SULF1: variants seen among roughly 807,000 people sequenced by gnomAD.
The protein encoded by SULF1 is extracellular sulfatase Sulf-1.
Under a neutral mutation model 110.5 loss-of-function variants are expected in SULF1, and 46 were observed. That is an observed-to-expected ratio of 0.42 (90% confidence interval 0.33 to 0.53). The LOEUF is 0.53. Among genes scored for constraint, SULF1 ranks in the 20% least tolerant of loss-of-function variants. The pLI is 0.12. For missense variants in SULF1, 941 were observed against 1,094.2 expected (o/e 0.86, Z 1.98); for synonymous variants, 371 against 387.1 (o/e 0.96, Z 0.49).
chr8:69,582,983 G>C (rs1027740434), intron 6 of SULF1, among the ~76,000 whole-genome samples: 21 of 152,202 alleles, frequency 1.4e-4, no homozygotes, highest in Admixed American at 4.6e-4. Flanking sequence ...AGGAAATCCT[G>C]AGTCACCTGA....
At chr8:69,546,527 A>G (rs953647073) in intron 3 of SULF1, among the ~76,000 whole-genome samples, 6 of 152,312 alleles carry the variant, frequency 3.9e-5, no homozygotes, top group African/African-American at 1.4e-4. Flanking sequence ...GTCCTTTTCT[A>G]TTTAAAATTT....
At chr8:69,523,229 G>A (rs1464512991) in intron 3 of SULF1, among the ~76,000 whole-genome samples, 1 of 152,176 alleles carries the variant, frequency 6.6e-6, no homozygotes, top group African/African-American at 2.4e-5. Context: ...AAGAACATAC[G>A]TGTAGTGGAG....
intron 3 of SULF1, among the ~76,000 whole-genome samples, chr8:69,507,020 C>T (rs1811245131): frequency 6.6e-6 from 1 of 152,184 alleles, no homozygotes; most frequent in African/African-American, 2.4e-5. Flanking sequence ...TTTCCCCAAA[C>T]ATCTTGAAGA....
intron 3 of SULF1, among the ~76,000 whole-genome samples, chr8:69,540,423 A>G (rs1307736684): frequency 2.0e-5 from 3 of 152,230 alleles, no homozygotes; most frequent in African/African-American, 4.8e-5. Context: ...AGGCAGGGCT[A>G]TTATATTTTA....
intron 3 of SULF1, among the ~76,000 whole-genome samples, chr8:69,555,793 G>A (rs775955019): frequency 1.4e-4 from 21 of 151,972 alleles, no homozygotes; most frequent in Admixed American, 2.0e-4. Flanking sequence ...TTTATGTTTC[G>A]AAACCATTTC....
At chr8:69,520,822 G>C (rs1280756244) in intron 3 of SULF1, among the ~76,000 whole-genome samples, 1 of 152,134 alleles carries the variant, frequency 6.6e-6, no homozygotes, top group Non-Finnish European at 1.5e-5. Context: ...GTGAGAGCCA[G>C]GTTTACATGA....
intron 8 of SULF1, among the ~76,000 whole-genome samples, chr8:69,589,924 G>A (rs1806768994): frequency 1.3e-5 from 2 of 152,204 alleles, no homozygotes; most frequent in Admixed American, 1.3e-4. Flanking sequence ...AGTTGGCTCT[G>A]TGTCTGCTGA....
At chr8:69,607,807 T>C (rs1023635659) in intron 13 of SULF1, among the ~76,000 whole-genome samples, 1 of 152,210 alleles carries the variant, frequency 6.6e-6, no homozygotes, top group Non-Finnish European at 1.5e-5. Flanking sequence ...CACTGAATTG[T>C]TCAGGTTCGA....
At chr8:69,638,677 G>T (rs1811236169) in intron 20 of SULF1, 33 bp downstream of exon 20, 1 of 1,612,112 alleles carries the variant, frequency 6.2e-7, no homozygotes, top group African/African-American at 1.3e-5. Context: ...TATGAAGGTT[G>T]TTGAAAATAG....
At chr8:69,584,288 T>G (rs1348823804) in intron 6 of SULF1, among the ~76,000 whole-genome samples, 2 of 152,148 alleles carry the variant, frequency 1.3e-5, no homozygotes, top group African/African-American at 2.4e-5. Context: ...GAGCACTATT[T>G]CCAAGGCAGA....
At chr8:69,613,617 A>G (rs1297351087) in intron 13 of SULF1, among the ~76,000 whole-genome samples, 2 of 152,154 alleles carry the variant, frequency 1.3e-5, no homozygotes, top group Admixed American at 1.3e-4. Flanking sequence ...TGGGAAAATA[A>G]CTTGACCAAA....
chr8:69,586,581 T>G, intron 7 of SULF1, 73 bp downstream of exon 7: 1 of 1,475,524 alleles, frequency 6.8e-7, no homozygotes, highest in African/African-American at 1.4e-5. Flanking sequence ...TTCAGTGAGT[T>G]AAACTATCCA....
intron 1 of SULF1, among the ~76,000 whole-genome samples, chr8:69,481,578 T>C (rs971832807): frequency 9.9e-5 from 15 of 152,094 alleles, no homozygotes; most frequent in Non-Finnish European, 1.9e-4. Context: ...AAGCCAAGCT[T>C]CCATTAGCTA....
chr8:69,581,487 C>T (rs1806058960), intron 6 of SULF1, among the ~76,000 whole-genome samples: 1 of 152,162 alleles, frequency 6.6e-6, no homozygotes, highest in Non-Finnish European at 1.5e-5. Flanking sequence ...TGCCCCCCAA[C>T]CCCCACCACC....
chr8:69,502,539 C>T (rs1810877539), intron 3 of SULF1, among the ~76,000 whole-genome samples: 1 of 152,208 alleles, frequency 6.6e-6, no homozygotes, highest in African/African-American at 2.4e-5. Context: ...CCTCATGAGG[C>T]TTTTTCAAAT....
chr8:69,517,326 A>G (rs1666142417), intron 3 of SULF1, among the ~76,000 whole-genome samples: 1 of 152,230 alleles, frequency 6.6e-6, no homozygotes, highest in African/African-American at 2.4e-5. Flanking sequence ...CCACTTTGTA[A>G]TACCATCACA....
At chr8:69,585,588 T>A (rs1806395744) in intron 6 of SULF1, among the ~76,000 whole-genome samples, 1 of 152,188 alleles carries the variant, frequency 6.6e-6, no homozygotes, top group Admixed American at 6.5e-5. Flanking sequence ...GGAAGTGACA[T>A]GCCAAAGTTA....
chr8:69,530,999 T>C (rs1445342036), intron 3 of SULF1, among the ~76,000 whole-genome samples: 2 of 152,150 alleles, frequency 1.3e-5, no homozygotes, highest in African/African-American at 4.8e-5. Flanking sequence ...TCCAAAACGA[T>C]GGCATGAGGT....
At chr8:69,618,155 T>G (rs750661932) in intron 13 of SULF1, among the ~76,000 whole-genome samples, 5 of 152,264 alleles carry the variant, frequency 3.3e-5, no homozygotes, top group Admixed American at 1.3e-4. Context: ...CTGTGTTTAA[T>G]TAAGTTGACT....
Sources: allele counts gnomAD v4.1 joint callset (sites outside exome capture counted in the v4.1 genomes callset), GRCh38; gene constraint gnomAD v4.1.1; transcripts MANE v1.5; gene names NCBI Gene and HGNC (gene_info 2026-07-23, HGNC 2026-07-21).